CYP11B2: variants seen among roughly 807,000 people sequenced by gnomAD.
CYP11B2 encodes the protein cytochrome P450 family 11 subfamily B member 2, also known as cytochrome P450 11B2, mitochondrial.
In CYP11B2, 38 loss-of-function variants were observed where a neutral mutation model predicts 49.3. The ratio of observed to expected loss-of-function variants is 0.77; its 90% confidence interval spans 0.59 to 1.01. The LOEUF (loss-of-function observed/expected upper bound fraction) is 1.01. Ranked by LOEUF, CYP11B2 falls within the 50% of genes least tolerant of loss-of-function variation. The probability of loss-of-function intolerance (pLI) is 0.00; values close to 1 mark genes in which losing one functional copy is unlikely to be tolerated. For missense variants in CYP11B2, 669 were observed against 655.5 expected (o/e 1.02, Z -0.23); for synonymous variants, 290 against 269.3 (o/e 1.08, Z -0.75).
intron 5 of CYP11B2, chr8:142,914,026 G>A (rs1252280134): frequency 3.1e-6 from 2 of 644,376 alleles, no homozygotes; most frequent in Non-Finnish European, 5.7e-6. Context: ...TTCCAGCCTG[G>A]AGCATGGATC....
rs779683417 is a variant in CYP11B2 at position 142,917,112 on chromosome 8, C to T, written c.342G>A (p.Glu114=). ...GATGTTGTCTGTAGGCCACCCAGGG[C>T]TCCAGGATCATCCTGCAGGGATGCA... The part of the protein sequence containing the change: ...DSLHPCRMIL[E]PWVAYRQHRG... The change falls in exon 2 of 9, where the codon GAG becomes GAA. Residue 114 remains glutamate (E), a synonymous_variant. Transcript: ENST00000323110. 25 of 1,614,238 alleles carry T rather than the reference C, an allele frequency of 1.5e-5. No individual in the cohort carries two copies. The Middle Eastern group carries it at 2.1e-3, about 138-fold the overall frequency.
At chr8:142,912,388 C>A (rs1817551082) in intron 8 of CYP11B2, 142 bp downstream of exon 8, 2 of 993,218 alleles carry the variant, frequency 2.0e-6, no homozygotes, top group African/African-American at 3.2e-5. Flanking sequence ...CAGCACAGAT[C>A]CTCCCTGGTC....
Position 142,912,640 on chromosome 8 carries a change from C to G in CYP11B2, c.1288G>C (p.Asp430His). Residue 430 changes from aspartate (D) to histidine (H), a missense_variant, in exon 8 of 9, where the codon GAC becomes CAC. Coordinates refer to ENST00000323110, the MANE Select transcript of CYP11B2 (RefSeq NM_000498.3). ...AAGTTCCTGCCGGAGCCCCTGATGT[C>G]TAGCCAGCGCTGGGGATTATACCGC... is the stretch of plus-strand genomic sequence containing the variant. ...PERYNPQRWL[D>H]IRGSGRNFHH... 1 of 1,614,216 alleles carries G rather than the reference C, an allele frequency of 6.2e-7. No homozygotes were observed. Among genetic ancestry groups the G allele is most frequent in the Non-Finnish European group, 8.5e-7 (1 of 1,180,022 alleles).
chr8:142,913,854 C>T (rs1817585772), intron 5 of CYP11B2: 1 of 470,486 alleles, frequency 2.1e-6, no homozygotes, highest in South Asian at 1.7e-5. Flanking sequence ...CACAACCCTG[C>T]CCTCCCATGC....
Position 142,917,286 on chromosome 8 carries a change from C to T in CYP11B2, c.240-72G>A. Reference sequence around the variant, plus strand: ...GTGGCCCCACCCTGCAGTCCCAATCCAAAGTGTCTCCTGTCCACCCTCCCT... The same window carrying T: ...GTGGCCCCACCCTGCAGTCCCAATCTAAAGTGTCTCCTGTCCACCCTCCCT... On this transcript the variant is annotated intron_variant, in intron 1 of 8. Coordinates refer to ENST00000323110, the MANE Select transcript of CYP11B2 (RefSeq NM_000498.3). 7.8e-6 allele frequency: 12 copies of T among 1,542,610 alleles called. No homozygotes were observed. In the South Asian group the frequency reaches 1.3e-4, roughly 17 times the overall value.
In CYP11B2 at chr8:142,917,597, T is replaced by G. The variant is rs1439702254; in HGVS notation, c.239+5A>C. ...GTTCCCAGCGAGGGCCAGGGAGGGC[T>G]TTACCTGAAAATGGGCCCCAGCTCC... On this transcript the variant is annotated splice_donor_5th_base_variant and intron_variant, in intron 1 of 8. Transcript: ENST00000323110. 2 of 1,614,064 alleles carry G rather than the reference T, an allele frequency of 1.2e-6. No individual in the cohort carries two copies. The highest frequency in any genetic ancestry group is 1.7e-6 in the Non-Finnish European group (2 of 1,180,036).
Position 142,912,529 on chromosome 8 carries a change from C to G in CYP11B2, c.1398+1G>C, listed in dbSNP as rs539836429. ...CCGCCCCCGCCCCCAGGCCTGCTTA[C>G]GTGGTGCAGCAGCAGCAGCATCTCT... On this transcript the variant is annotated splice_donor_variant, in intron 8 of 8. Transcript: ENST00000323110. LOFTEE classifies it high-confidence loss of function. 4 of 1,602,662 alleles carry G rather than the reference C, an allele frequency of 2.5e-6. No individual in the cohort carries two copies. Among genetic ancestry groups the G allele is most frequent in the East Asian group, 2.2e-5 (1 of 44,816 alleles).
chr8:142,914,588 G>C (rs192703629), intron 4 of CYP11B2, 117 bp downstream of exon 4: 1 of 1,402,550 alleles, frequency 7.1e-7, no homozygotes, highest in African/African-American at 1.6e-5. Context: ...CGGCAGGAAG[G>C]TGAGGAATCC....
Position 142,912,190 on chromosome 8 carries a change from G to A in CYP11B2, c.1399-97C>T, listed in dbSNP as rs1817548856. 4 of 1,579,036 alleles carry A rather than the reference G, an allele frequency of 2.5e-6. No individual in the cohort carries two copies. In the Admixed American group the frequency reaches 5.5e-5, roughly 22 times the overall value. On this transcript the variant is annotated intron_variant, in intron 8 of 8. Coordinates refer to ENST00000323110, the MANE Select transcript of CYP11B2 (RefSeq NM_000498.3). ...TCCCAGGTGCAACAATTATGCTGAA[G>A]GGGGAGCAGCAGCCTGGGCCCCAAC...
At chr8:142,912,327 C>G (rs545379714) in intron 8 of CYP11B2, among the ~76,000 whole-genome samples, 1 of 152,074 alleles carries the variant, frequency 6.6e-6, no homozygotes, top group Non-Finnish European at 1.5e-5. Flanking sequence ...TCCCCTAGTC[C>G]CCATTTCAAT....
chr8:142,916,180 C>T (rs1817642008), intron 2 of CYP11B2, among the ~76,000 whole-genome samples: 1 of 152,104 alleles, frequency 6.6e-6, no homozygotes, highest in Non-Finnish European at 1.5e-5. Context: ...TACAGGAGCG[C>T]TCCCCTTCCT....
chr8:142,914,241 G>A (rs1270495713), intron 5 of CYP11B2, 23 bp downstream of exon 5: 1 of 1,614,004 alleles, frequency 6.2e-7, no homozygotes, highest in South Asian at 1.1e-5. Flanking sequence ...CCCTCTCTGG[G>A]TGGGGCTGGT....
chr8:142,915,099 C>G lies in CYP11B2; in HGVS notation c.542G>C (p.Arg181Pro), dbSNP rs779011569. 6 of 1,613,740 alleles carry G rather than the reference C, an allele frequency of 3.7e-6. No homozygotes were observed. The South Asian group carries it at 6.6e-5, about 18-fold the overall frequency. The change falls in exon 3 of 9, where the codon CGG (arginine) becomes CCG (proline). Residue 181 changes from arginine to proline, a missense_variant. By Grantham distance (103) the Arg-to-Pro change is moderately radical (BLOSUM62 -2). Transcript: ENST00000323110. ...ALKKKVLQNA[R>P]GSLTLDVQPS... Reference sequence around the variant, plus strand: ...CTGGACGTCCAGGGTCAGGCTCCCCCGGGCGTTCTGCAGCACCTTCTTCTT... The same window carrying G: ...CTGGACGTCCAGGGTCAGGCTCCCCGGGGCGTTCTGCAGCACCTTCTTCTT...
intron 3 of CYP11B2, 41 bp from the exon 4 acceptor site, chr8:142,914,949 G>GTA: frequency 1.9e-6 from 3 of 1,606,506 alleles, no homozygotes; most frequent in Non-Finnish European, 2.5e-6. Flanking sequence ...GCAGCCCCAG[G>GTA]CCTCCTGGCT....
Position 142,914,842 on chromosome 8 carries a change from A to C in CYP11B2, c.662T>G (p.Leu221Arg), listed in dbSNP as rs1367027463. The C allele has an allele frequency of 6.2e-7, 1 of 1,613,676 alleles. No individual in the cohort carries two copies. The highest frequency in any genetic ancestry group is 2.2e-5 in the East Asian group (1 of 44,884). Residue 221 changes from leucine to arginine, a missense_variant, in exon 4 of 9, where the codon CTG (leucine) becomes CGG (arginine). Transcript: ENST00000323110. ...GACCTCCAGGGCATGGAGGAAGTTC[A>C]GGCTGGCAGAACTGGGGCTGTGGCC... ...LVGHSPSSAS[L>R]NFLHALEVMF...
Position 142,911,685 on chromosome 8 carries a change from G to GGGA in CYP11B2, c.*292_*294dup, listed in dbSNP as rs3839864. The GGGA allele has an allele frequency of 0.65, 290,518 of 449,144 alleles. 97,877 individuals carry two copies. The highest frequency in any genetic ancestry group is 0.89 in the African/African-American group (44,878 of 50,278). The allele number at this position is 449,144 out of a possible 1,614,324, so 27.8% of individuals were successfully genotyped here. ...TCATGAGGAGCCTGGAGCCAGCGCTGGGAGTAGAGTCAAGCTGTCCAGAGG... is the reference window on the plus strand; with the variant it reads ...TCATGAGGAGCCTGGAGCCAGCGCTGGGAGGAGTAGAGTCAAGCTGTCCAGAGG... On this transcript the variant is annotated 3_prime_UTR_variant, in exon 9 of 9. Coordinates refer to ENST00000323110, the MANE Select transcript of CYP11B2 (RefSeq NM_000498.3).
At position 142,911,672 on chromosome 8, in the gene CYP11B2, T is replaced by A; in HGVS notation, c.*308A>T. 2.7e-6 allele frequency: 1 copy of A among 376,588 alleles called. No homozygotes were observed. Among genetic ancestry groups the A allele is most frequent in the Non-Finnish European group, 4.6e-6 (1 of 217,702 alleles). The allele number at this position is 376,588 out of a possible 1,614,324, so 23.3% of individuals were successfully genotyped here. A position where few individuals can be genotyped will look rare whatever the true frequency, so the allele number is the denominator to read the frequency against. On this transcript the variant is annotated 3_prime_UTR_variant, in exon 9 of 9. Coordinates refer to ENST00000323110, the MANE Select transcript of CYP11B2 (RefSeq NM_000498.3). ...CCCTTGCATGGCCTCATGAGGAGCCTGGAGCCAGCGCTGGGAGTAGAGTCA... is the reference window on the plus strand; with the variant it reads ...CCCTTGCATGGCCTCATGAGGAGCCAGGAGCCAGCGCTGGGAGTAGAGTCA...
At position 142,914,349 on chromosome 8, in the gene CYP11B2, A is replaced by C; in HGVS notation, c.869T>G (p.Val290Gly). The change falls in exon 5 of 9, where the codon GTG (valine) becomes GGG (glycine). Residue 290 changes from valine (V) to glycine (G), a missense_variant. Coordinates refer to ENST00000323110, the MANE Select transcript of CYP11B2 (RefSeq NM_000498.3). Reference protein sequence around the residue: ...FNRPQHYTGIVAELLLKAELS... With the variant: ...FNRPQHYTGIGAELLLKAELS... Reference sequence around the variant, plus strand: ...TTCCGCCTTCAACAGGAGCTCCGCCACGATGCCTGTGTAGTGTTGAGGGCG... The same window carrying C: ...TTCCGCCTTCAACAGGAGCTCCGCCCCGATGCCTGTGTAGTGTTGAGGGCG... 1 of 1,613,616 alleles carries C rather than the reference A, an allele frequency of 6.2e-7. No individual in the cohort carries two copies. The highest frequency in any genetic ancestry group is 8.5e-7 in the Non-Finnish European group (1 of 1,179,570).
chr8:142,916,682 G>A (rs911241568), intron 2 of CYP11B2, among the ~76,000 whole-genome samples: 22 of 152,162 alleles, frequency 1.4e-4, no homozygotes, highest in Non-Finnish European at 3.1e-4. Flanking sequence ...CACTCAGCCT[G>A]TGACCTGGGC....
Sources: allele counts gnomAD v4.1 joint callset (sites outside exome capture counted in the v4.1 genomes callset), GRCh38; gene constraint gnomAD v4.1.1; transcripts MANE v1.5; gene names NCBI Gene and HGNC (gene_info 2026-07-23, HGNC 2026-07-21).